The following HNRNPM variants were observed in gnomAD, a reference collection of about 807,000 sequenced individuals.
HNRNPM encodes heterogeneous nuclear ribonucleoprotein M, also known as CEA receptor.
Under a neutral mutation model 73.1 loss-of-function variants are expected in HNRNPM, and 11 were observed. That is an observed-to-expected ratio of 0.15 (90% CI 0.09 to 0.25). The LOEUF (loss-of-function observed/expected upper bound fraction) is 0.25. Among genes scored for constraint, HNRNPM ranks in the 10% least tolerant of loss-of-function variants. The pLI is 1.00. For missense variants in HNRNPM, 789 were observed against 1,067.9 expected, an observed-to-expected ratio of 0.74 and a Z score of 3.64; for synonymous variants, 407 against 355.2, an observed-to-expected ratio of 1.15 and a Z score of -1.64.
In HNRNPM at chr19:8,448,014, A is replaced by G. The variant is rs185303087; in HGVS notation, c.113+2903A>G. ...GCACTCCAGCCTGGGCGACAGAGCG[A>G]TACTCCTTCTTCAAACAAACAAACA... is the stretch of plus-strand genomic sequence containing the variant. On this transcript the variant is annotated intron_variant, in intron 1 of 15. Transcript: ENST00000325495. Among the ~76,000 whole-genome samples, 17 of 152,310 alleles carry G rather than the reference A, an allele frequency of 1.1e-4. No homozygotes were observed. In the East Asian group the frequency reaches 3.1e-3, roughly 28 times the overall value.
intron 1 of HNRNPM, among the ~76,000 whole-genome samples, chr19:8,448,168 T>G (rs1250420882): frequency 2.0e-5 from 3 of 152,210 alleles, no homozygotes; most frequent in African/African-American, 7.2e-5. Context: ...CTTGGTTCTT[T>G]GGAATTCTTT....
chr19:8,482,857 G>C (rs1244910819), intron 12 of HNRNPM: 1 of 264,644 alleles, frequency 3.8e-6, no homozygotes, highest in African/African-American at 2.3e-5. Flanking sequence ...CCCTCTTCTT[G>C]CTCTGGCTCT....
intron 12 of HNRNPM, among the ~76,000 whole-genome samples, chr19:8,480,984 G>C (rs568017068): frequency 6.6e-6 from 1 of 152,196 alleles, no homozygotes; most frequent in African/African-American, 2.4e-5. Context: ...AGGTGATCTC[G>C]TCAGGTTCTC....
chr19:8,480,874 G>A (rs1041629858), intron 12 of HNRNPM, among the ~76,000 whole-genome samples: 2 of 152,056 alleles, frequency 1.3e-5, no homozygotes, highest in Non-Finnish European at 1.5e-5. Flanking sequence ...CCGGCAGGGC[G>A]CCACCTCTCC....
intron 10 of HNRNPM, among the ~76,000 whole-genome samples, chr19:8,472,783 T>C (rs1243181643): frequency 1.3e-5 from 2 of 151,976 alleles, no homozygotes; most frequent in Non-Finnish European, 2.9e-5. Context: ...GGTTTCACCA[T>C]GTTGGTCAGG....
At chr19:8,486,886 G>A in intron 14 of HNRNPM, 138 bp from the exon 15 acceptor site, 2 of 753,764 alleles carry the variant, frequency 2.7e-6, no homozygotes, top group Non-Finnish European at 4.9e-6. Context: ...TTAGTTTCCT[G>A]CTGATCGCCT....
In HNRNPM at chr19:8,488,877, G is replaced by A. The variant is rs372353439; in HGVS notation, c.*23G>A. On this transcript the variant is annotated 3_prime_UTR_variant, in exon 16 of 16. Coordinates refer to ENST00000325495, the MANE Select transcript of HNRNPM (RefSeq NM_005968.5). ...TAAGCAGTTGCCTTTTTTAAACATCGATACGAGACCTCTGAATTTGTATTT... is the reference window on the plus strand; with the variant it reads ...TAAGCAGTTGCCTTTTTTAAACATCAATACGAGACCTCTGAATTTGTATTT... 3.1e-5 allele frequency: 50 copies of A among 1,587,878 alleles called. No individual in the cohort carries two copies. The highest frequency in any genetic ancestry group is 5.2e-5 in the Admixed American group (3 of 58,252).
intron 12 of HNRNPM, among the ~76,000 whole-genome samples, chr19:8,481,169 G>A (rs1296568028): frequency 6.6e-6 from 1 of 152,210 alleles, no homozygotes; most frequent in African/African-American, 2.4e-5. Context: ...TGTACTTGCT[G>A]CTTCAAAAAT....
chr19:8,465,569 C>A, intron 6 of HNRNPM, 54 bp downstream of exon 6: 1 of 1,120,126 alleles, frequency 8.9e-7, no homozygotes, highest in Non-Finnish European at 1.3e-6. Context: ...TATGAAATGA[C>A]CTTGTCAATA....
Position 8,456,777 on chromosome 19 carries a change from G to A in HNRNPM, c.283+1203G>A, listed in dbSNP as rs1216811772. On this transcript the variant is annotated intron_variant, in intron 2 of 15. Transcript: ENST00000325495. ...GTACAGTCACGCGTGCTGCTCCCAC[G>A]TGGCATTTCTCCAGATAACACAGAT... Among the ~76,000 whole-genome samples, 4 of 152,158 alleles carry A rather than the reference G, an allele frequency of 2.6e-5. No homozygotes were observed. In the East Asian group the frequency reaches 7.7e-4, roughly 29 times the overall value.
intron 8 of HNRNPM, among the ~76,000 whole-genome samples, chr19:8,468,180 A>G (rs551312382): frequency 2.0e-5 from 3 of 152,338 alleles, no homozygotes; most frequent in Middle Eastern, 3.4e-3. Context: ...AAGAATGGTT[A>G]TATATGTGGG....
chr19:8,486,465 A>G, intron 14 of HNRNPM, 60 bp downstream of exon 14: 1 of 1,428,978 alleles, frequency 7.0e-7, no homozygotes, highest in South Asian at 1.3e-5. Flanking sequence ...GGGGAGGCAA[A>G]GATCAGCAGG....
At chr19:8,476,577 AAAG>A (rs61477212) in intron 12 of HNRNPM, among the ~76,000 whole-genome samples, 45,824 of 92,902 alleles carry the variant, frequency 0.49, 7,898 homozygotes, top group South Asian at 0.6. Flanking sequence ...AAAAAAAAAA[AAAG>A]AGAGATTGTT....
chr19:8,476,456 A>G (rs1970512426), intron 12 of HNRNPM, among the ~76,000 whole-genome samples: 1 of 152,188 alleles, frequency 6.6e-6, no homozygotes, highest in African/African-American at 2.4e-5. Flanking sequence ...CACACTCAGC[A>G]TGAGTCAAAT....
intron 1 of HNRNPM, among the ~76,000 whole-genome samples, chr19:8,449,492 A>G (rs891289830): frequency 6.6e-6 from 1 of 152,090 alleles, no homozygotes; most frequent in African/African-American, 2.4e-5. Context: ...CAATAAAATT[A>G]TTGGTAGAAA....
intron 2 of HNRNPM, among the ~76,000 whole-genome samples, chr19:8,461,413 C>G (rs1302164047): frequency 6.6e-6 from 1 of 152,132 alleles, no homozygotes; most frequent in Non-Finnish European, 1.5e-5. Context: ...ACTGCTAAAC[C>G]AAACCGATCC....
chr19:8,478,398 G>GGA (rs1970664648), intron 12 of HNRNPM, among the ~76,000 whole-genome samples: 1 of 152,172 alleles, frequency 6.6e-6, no homozygotes, highest in African/African-American at 2.4e-5. Context: ...CACAGAGATG[G>GGA]AGCGTGGCAT....
intron 13 of HNRNPM, among the ~76,000 whole-genome samples, chr19:8,484,815 T>G (rs1599854031): frequency 6.6e-6 from 1 of 152,258 alleles, no homozygotes; most frequent in East Asian, 1.9e-4. Context: ...GGGGTGGCCT[T>G]GCTGACGGAG....
intron 6 of HNRNPM, 33 bp from the exon 7 acceptor site, chr19:8,466,202 A>G (rs780219056): frequency 1.3e-6 from 2 of 1,591,532 alleles, no homozygotes; most frequent in Non-Finnish European, 8.5e-7. Context: ...AGATGTTTAC[A>G]TTGAGGTTTT....
Sources: allele counts gnomAD v4.1 joint callset (sites outside exome capture counted in the v4.1 genomes callset), GRCh38; gene constraint gnomAD v4.1.1; transcripts MANE v1.5; gene names NCBI Gene and HGNC (gene_info 2026-07-23, HGNC 2026-07-21).